Variants in PTPRT observed in about 807,000 individuals in gnomAD.
PTPRT encodes receptor-type tyrosine-protein phosphatase T.
In PTPRT, 56 loss-of-function variants were observed where a neutral mutation model predicts 176.8. That is an observed-to-expected ratio of 0.32 (90% CI 0.26 to 0.40). PTPRT has a LOEUF of 0.40. Ranked by LOEUF, PTPRT falls within the 10% of genes least tolerant of loss-of-function variation. The pLI, the probability that PTPRT is intolerant of heterozygous loss-of-function variation, is 1.00. For missense variants in PTPRT, 1,540 were observed against 1,908.2 expected (o/e 0.81, Z 3.60); for synonymous variants, 783 against 739.0 (o/e 1.06, Z -0.96).
At chr20:42,415,294 GC>G (rs2145750762) in intron 9 of PTPRT, among the ~76,000 whole-genome samples, 1 of 152,306 alleles carries the variant, frequency 6.6e-6, no homozygotes, top group Non-Finnish European at 1.5e-5. Context: ...TGATCCTCTT[GC>G]CTCAGCCTTC....
intron 9 of PTPRT, among the ~76,000 whole-genome samples, chr20:42,418,832 C>T (rs1160570187): frequency 6.6e-6 from 1 of 152,120 alleles, no homozygotes; most frequent in African/African-American, 2.4e-5. Flanking sequence ...AGGACACCCT[C>T]CCCCGGCGGA....
rs146483730 is a variant in PTPRT, at chr20:43,052,750, A to G, written c.88+136896T>C. Reference sequence around the variant, plus strand: ...CCACAGCCAATTATAGAGCATTTTCATCACCACAAAAAGAAACCATATCCT... The same window carrying G: ...CCACAGCCAATTATAGAGCATTTTCGTCACCACAAAAAGAAACCATATCCT... On this transcript the variant is annotated intron_variant, in intron 1 of 30. Transcript: ENST00000373187. 9.0e-3 allele frequency among the ~76,000 whole-genome samples: 1,378 copies of G among 152,336 alleles called. 25 individuals carry two copies. Among genetic ancestry groups the G allele is most frequent in the African/African-American group, 0.031 (1,291 of 41,568 alleles).
At chr20:43,026,361 C>A (rs1305036261) in intron 1 of PTPRT, among the ~76,000 whole-genome samples, 2 of 152,152 alleles carry the variant, frequency 1.3e-5, no homozygotes, top group Non-Finnish European at 2.9e-5. Context: ...CGTTGTCTGC[C>A]TGCCTCGGCC....
At chr20:42,315,087 T>G (rs2057697210) in intron 12 of PTPRT, among the ~76,000 whole-genome samples, 1 of 130,410 alleles carries the variant, frequency 7.7e-6, no homozygotes, top group African/African-American at 2.9e-5. Context: ...CAAAAATGGT[T>G]ACCTTGCGTG....
chr20:42,580,453 A>G (rs2073351162), intron 7 of PTPRT, among the ~76,000 whole-genome samples: 1 of 152,176 alleles, frequency 6.6e-6, no homozygotes, highest in Non-Finnish European at 1.5e-5. Context: ...AGTCATTGGT[A>G]GCTTGATGGG....
At chr20:42,650,624 A>C (rs554941876) in intron 7 of PTPRT, among the ~76,000 whole-genome samples, 6 of 152,334 alleles carry the variant, frequency 3.9e-5, no homozygotes, top group African/African-American at 1.4e-4. Context: ...CTCAGCATGC[A>C]CAAGAAAAGT....
At chr20:42,206,138 G>A (rs1211070432) in intron 15 of PTPRT, among the ~76,000 whole-genome samples, 1 of 152,176 alleles carries the variant, frequency 6.6e-6, no homozygotes, top group Non-Finnish European at 1.5e-5. Flanking sequence ...GGCAAATTCA[G>A]TCTGTGGTAC....
chr20:43,007,483 A>C (rs1014565636), intron 1 of PTPRT, among the ~76,000 whole-genome samples: 1 of 152,220 alleles, frequency 6.6e-6, no homozygotes, highest in Non-Finnish European at 1.5e-5. Flanking sequence ...TACTGTACCA[A>C]ATGTTATGAT....
chr20:43,043,369 G>A (rs1186532168), intron 1 of PTPRT, among the ~76,000 whole-genome samples: 1 of 152,054 alleles, frequency 6.6e-6, no homozygotes, highest in African/African-American at 2.4e-5. Context: ...AAAGACAAGA[G>A]GGTGAGGAAT....
chr20:42,195,939 T>C (rs1288422713), intron 16 of PTPRT, among the ~76,000 whole-genome samples: 1 of 152,214 alleles, frequency 6.6e-6, no homozygotes, highest in Non-Finnish European at 1.5e-5. Context: ...TATTTCAGTC[T>C]TGGGTGTTTT....
chr20:43,009,059 C>T (rs563841282), intron 1 of PTPRT, among the ~76,000 whole-genome samples: 2 of 152,208 alleles, frequency 1.3e-5, no homozygotes, highest in East Asian at 3.9e-4. Context: ...ATCCTGATAC[C>T]TTGGTGAGCA....
At chr20:42,644,233 T>C (rs2074833867) in intron 7 of PTPRT, among the ~76,000 whole-genome samples, 1 of 152,106 alleles carries the variant, frequency 6.6e-6, no homozygotes, top group South Asian at 2.1e-4. Context: ...AGCCTCCTCT[T>C]AGGGCCTGCA....
chr20:42,912,434 C>G (rs888139637), intron 1 of PTPRT, among the ~76,000 whole-genome samples: 3 of 152,092 alleles, frequency 2.0e-5, no homozygotes, highest in African/African-American at 7.2e-5. Context: ...TGTAAGTGTT[C>G]TTAATTTAGT....
intron 1 of PTPRT, among the ~76,000 whole-genome samples, chr20:42,899,432 A>G (rs1459363928): frequency 6.6e-6 from 1 of 152,172 alleles, no homozygotes; most frequent in Non-Finnish European, 1.5e-5. Context: ...CCCCCATGGA[A>G]CACTCTTGCC....
intron 1 of PTPRT, among the ~76,000 whole-genome samples, chr20:43,164,376 A>G (rs1438273517): frequency 6.6e-6 from 1 of 152,208 alleles, no homozygotes; most frequent in Non-Finnish European, 1.5e-5. Flanking sequence ...ATTACATTCA[A>G]ATGGGAGAAG....
In PTPRT at chr20:42,074,924, T is replaced by C; in HGVS notation, c.*5955A>G. The C allele has an allele frequency of 2.5e-6, 1 of 398,188 alleles. No homozygotes were observed. Among genetic ancestry groups the C allele is most frequent in the Admixed American group, 4.4e-5 (1 of 22,702 alleles). 24.7% of individuals were successfully genotyped at this position (398,188 alleles called of 1,614,324 possible). A position where few individuals can be genotyped will look rare whatever the true frequency, so the allele number is the denominator to read the frequency against. ...CATGTGCACAAATATGGCTTAGATA[T>C]CTCTGCTGTGCTTCGGAGGATCAGA... On this transcript the variant is annotated 3_prime_UTR_variant, in exon 31 of 31. Transcript: ENST00000373187.
chr20:43,159,973 AG>A (rs2014645770), intron 1 of PTPRT, among the ~76,000 whole-genome samples: 2 of 151,372 alleles, frequency 1.3e-5, no homozygotes, highest in Admixed American at 1.3e-4. Flanking sequence ...TGACCCAGAA[AG>A]GAGTCAATCC....
chr20:42,624,739 A>G (rs532354851), intron 7 of PTPRT, among the ~76,000 whole-genome samples: 3 of 152,312 alleles, frequency 2.0e-5, no homozygotes, highest in Non-Finnish European at 2.9e-5. Flanking sequence ...TAGTTAATTA[A>G]CAATCATTAG....
intron 2 of PTPRT, among the ~76,000 whole-genome samples, chr20:42,846,615 A>G (rs1212804400): frequency 6.6e-6 from 1 of 152,172 alleles, no homozygotes; most frequent in Non-Finnish European, 1.5e-5. Flanking sequence ...CAAACACCAT[A>G]GGGGATAAAG....
Sources: allele counts gnomAD v4.1 joint callset (sites outside exome capture counted in the v4.1 genomes callset), GRCh38; gene constraint gnomAD v4.1.1; transcripts MANE v1.5; gene names NCBI Gene and HGNC (gene_info 2026-07-23, HGNC 2026-07-21).